The following ZNFX1 variants were observed in gnomAD, a reference collection of about 807,000 sequenced individuals.
ZNFX1 encodes the protein NFX1-type zinc finger-containing protein 1.
A neutral mutation model predicts 179.8 loss-of-function variants in ZNFX1; 78 were observed. The observed-to-expected ratio is 0.43, with a 90% CI of 0.36 to 0.52. ZNFX1 has a LOEUF of 0.52. Ranked by LOEUF, ZNFX1 falls within the 20% of genes least tolerant of loss-of-function variation. ZNFX1 has a pLI of 0.00. For synonymous variants in ZNFX1, 848 were observed against 868.5 expected (o/e 0.98, Z 0.42); for missense variants, 1,927 against 2,386.6 (o/e 0.81, Z 4.01).
At chr20:49,267,495 T>TA (rs1555883662) in intron 3 of ZNFX1, among the ~76,000 whole-genome samples, 5 of 151,768 alleles carry the variant, frequency 3.3e-5, no homozygotes, top group East Asian at 1.9e-4. Context: ...TTTTTTTTTT[T>TA]AAATCATGAG....
intron 3 of ZNFX1, among the ~76,000 whole-genome samples, chr20:49,267,137 C>T (rs1286613101): frequency 6.6e-6 from 1 of 152,142 alleles, no homozygotes; most frequent in Admixed American, 6.5e-5. Flanking sequence ...CCCTTGTGAT[C>T]TGTCCGCCTT....
rs753247167 is a variant in ZNFX1, at chr20:49,270,930, G to A, written c.882C>T (p.Asn294=). Residue 294 remains asparagine (N), a synonymous_variant, in exon 3 of 14, where the codon AAC becomes AAT. Transcript: ENST00000396105. The surrounding 1 kb of genome is among the most constrained non-coding windows in gnomAD (Gnocchi z 4.6). ...CAATGATAGTCTGTACCTTTTCCAG[G>A]TTCTTCTCCGTTTCCTCTTCTATGT... The part of the protein sequence containing the change: ...GVDIEEETEK[N]LEKVQTIIEH... 2.5e-6 allele frequency: 4 copies of A among 1,614,086 alleles called. No homozygotes were observed. The Admixed American group carries it at 6.7e-5, about 27-fold the overall frequency.
chr20:49,267,708 C>T lies in ZNFX1; in HGVS notation c.1871-1442G>A, dbSNP rs555723585. Among the ~76,000 whole-genome samples the T allele has an allele frequency of 1.9e-4, 29 of 152,204 alleles. No homozygotes were observed. In the East Asian group the frequency reaches 2.5e-3, roughly 13 times the overall value. On this transcript the variant is annotated intron_variant, in intron 3 of 13. Transcript: ENST00000396105. ...AAAGGTATGGGAAGGTATAGTTCCA[C>T]GACAAGTACAATGTGGCAGATAGGA...
At position 49,246,171 on chromosome 20, in the gene ZNFX1, C is replaced by T. The variant is rs377350435; in HGVS notation, c.*1096G>A. 6.6e-6 allele frequency: 1 copy of T among 152,236 alleles called. No individual in the cohort carries two copies. Among genetic ancestry groups the T allele is most frequent in the Non-Finnish European group, 1.5e-5 (1 of 68,074 alleles). The allele number at this position is 152,236 out of a possible 1,614,324, so 9.4% of individuals were successfully genotyped here. ...GGGAGTGTTGGGATGAAGGATCACA[C>T]TTGGGATAGGTGCTGCTGGTACCAA... On this transcript the variant is annotated 3_prime_UTR_variant, in exon 14 of 14. Transcript: ENST00000396105.
At position 49,270,135 on chromosome 20, in the gene ZNFX1, G is replaced by A. The variant is rs774437371; in HGVS notation, c.1677C>T (p.Pro559=). 6.2e-7 allele frequency: 1 copy of A among 1,614,190 alleles called. No individual in the cohort carries two copies. The highest frequency in any genetic ancestry group is 1.1e-5 in the South Asian group (1 of 91,086). Residue 559 remains proline (P), a synonymous_variant, in exon 3 of 14, where the codon CCC becomes CCT. Coordinates refer to ENST00000396105, the MANE Select transcript of ZNFX1 (RefSeq NM_021035.3). The surrounding 1 kb of genome is among the most constrained non-coding windows in gnomAD (Gnocchi z 4.6). ...CAGTGGCTGAAGGATTCTCTATTAA[G>A]GGGGTAAAGTCGTATCTGCCCCCCA... The part of the protein sequence containing the change: ...LLMGGRYDFT[P]LIENPSATGE...
In ZNFX1 at chr20:49,247,631, G is replaced by A. The variant is rs1980712494; in HGVS notation, c.5393C>T (p.Thr1798Ile). Reference protein sequence around the residue: ...VYSVQNILEKTCKFTQEDEQL... With the variant: ...VYSVQNILEKICKFTQEDEQL... ...TTCATCCTCTTGGGTGAACTTACAT[G>A]TTTTCTCAAGGATATTCTGGACACT... is the stretch of plus-strand genomic sequence containing the variant. The change falls in exon 14 of 14, where the codon ACA (threonine) becomes ATA (isoleucine). Residue 1798 changes from threonine to isoleucine, a missense_variant. Thr to Ile is a moderately conservative substitution (Grantham distance 89). Transcript: ENST00000396105. 1 of 1,614,090 alleles carries A rather than the reference G, an allele frequency of 6.2e-7. No individual in the cohort carries two copies. The highest frequency in any genetic ancestry group is 1.7e-5 in the Admixed American group (1 of 60,000).
At chr20:49,254,411 A>C (rs1021488892) in intron 10 of ZNFX1, 84 bp downstream of exon 10, 1 of 1,510,458 alleles carries the variant, frequency 6.6e-7, no homozygotes, top group East Asian at 2.3e-5. Flanking sequence ...CCTACCAAAG[A>C]AGCTCCTCTT....
chr20:49,265,365 C>T (rs1042691983), intron 4 of ZNFX1, among the ~76,000 whole-genome samples: 1 of 152,202 alleles, frequency 6.6e-6, no homozygotes, highest in African/African-American at 2.4e-5. Flanking sequence ...GAAACATAGG[C>T]CCAGTTTCTG....
chr20:49,270,724 T>A lies in ZNFX1; in HGVS notation c.1088A>T (p.Asp363Val). The A allele has an allele frequency of 6.2e-7, 1 of 1,614,148 alleles. No homozygotes were observed. The highest frequency in any genetic ancestry group is 8.5e-7 in the Non-Finnish European group (1 of 1,180,018). ...LRPNIISGKY[D>V]STAIYLDTHF... ...GGTATCCAGATAGATAGCAGTGCTG[T>A]CGTATTTTCCAGAAATGATATTGGG... is the stretch of plus-strand genomic sequence containing the variant. The change falls in exon 3 of 14, where the codon GAC becomes GTC. Residue 363 changes from aspartate to valine, a missense_variant. Transcript: ENST00000396105. This position sits in a 1 kb window ranked among gnomAD's most constrained non-coding sequence, Gnocchi z 4.6.
rs749091821 is a variant in ZNFX1 at position 49,249,467 on chromosome 20, T to C, written c.3557A>G (p.Lys1186Arg). 9 of 1,614,124 alleles carry C rather than the reference T, an allele frequency of 5.6e-6. No individual in the cohort carries two copies. The highest frequency in any genetic ancestry group is 1.7e-5 in the Admixed American group (1 of 60,014). ...FAGVRVHVVD[K>R]YQGEENDIIL... ...GATGTCATTCTCTTCCCCTTGGTATTTGTCCACAACATGGACCCTGACGCC... is the reference window on the plus strand; with the variant it reads ...GATGTCATTCTCTTCCCCTTGGTATCTGTCCACAACATGGACCCTGACGCC... Residue 1186 changes from lysine to arginine, a missense_variant, in exon 14 of 14, where the codon AAA becomes AGA. Coordinates refer to ENST00000396105, the MANE Select transcript of ZNFX1 (RefSeq NM_021035.3).
Position 49,249,730 on chromosome 20 carries a change from G to A in ZNFX1, c.3313-19C>T, listed in dbSNP as rs148124819. The stretch of plus-strand genomic sequence containing the variant: ...ACACCCCCTGACAGGGAAAAGAAGT[G>A]ACATGTTAAAAGGTTCACTCATGGC... On this transcript the variant is annotated intron_variant, in intron 13 of 13. Transcript: ENST00000396105. 278 of 1,596,202 alleles carry A rather than the reference G, an allele frequency of 1.7e-4. 2 individuals carry two copies. In the African/African-American group the frequency reaches 3.5e-3, roughly 20 times the overall value.
chr20:49,264,313 C>A (rs1981186507), intron 5 of ZNFX1, among the ~76,000 whole-genome samples: 1 of 152,172 alleles, frequency 6.6e-6, no homozygotes, highest in African/African-American at 2.4e-5. Context: ...AACAAACAGG[C>A]CAAGAATACT....
chr20:49,261,862 G>T (rs570233), intron 6 of ZNFX1, among the ~76,000 whole-genome samples: 2 of 150,918 alleles, frequency 1.3e-5, no homozygotes, highest in South Asian at 4.2e-4. Flanking sequence ...TAGCCAGGAT[G>T]GTCTCAATCT....
chr20:49,263,547 C>T (rs1981166114), intron 5 of ZNFX1, 64 bp from the exon 6 acceptor site: 16 of 1,534,616 alleles, frequency 1.0e-5, no homozygotes, highest in Non-Finnish European at 1.3e-5. Flanking sequence ...TCAGTCCTCA[C>T]CTTGAGGGAA....
chr20:49,273,656 G>A (rs1981481208), intron 2 of ZNFX1, among the ~76,000 whole-genome samples: 1 of 152,198 alleles, frequency 6.6e-6, no homozygotes, highest in South Asian at 2.1e-4. Context: ...ATGGCCAGGT[G>A]TGGTGGCTCA....
chr20:49,253,035 G>C (rs1980883270), intron 11 of ZNFX1, among the ~76,000 whole-genome samples: 1 of 152,182 alleles, frequency 6.6e-6, no homozygotes. Context: ...GTGCCCCATG[G>C]TGGGTTTTTT....
chr20:49,264,738 T>C lies in ZNFX1; in HGVS notation c.2129A>G (p.His710Arg), dbSNP rs1464116941. The change falls in exon 5 of 14, where the codon CAC (histidine) becomes CGC (arginine). Residue 710 changes from histidine (H) to arginine (R), a missense_variant. His to Arg is a conservative substitution (Grantham distance 29). Coordinates refer to ENST00000396105, the MANE Select transcript of ZNFX1 (RefSeq NM_021035.3). ...TACACTCATGTAGGCCCTTCGGAGG[T>C]GCATGGGGAGGTTGCGGCGGAATTC... ...KREFRRNLPM[H>R]LRRAYMSIMT... The C allele has an allele frequency of 3.7e-6, 6 of 1,613,886 alleles. No individual in the cohort carries two copies. The highest frequency in any genetic ancestry group is 5.1e-6 in the Non-Finnish European group (6 of 1,180,018).
intron 2 of ZNFX1, among the ~76,000 whole-genome samples, chr20:49,274,590 C>T (rs990636390): frequency 3.3e-5 from 5 of 151,908 alleles, no homozygotes; most frequent in Non-Finnish European, 5.9e-5. Flanking sequence ...GAAACCCTGT[C>T]TCTACTAAAA....
chr20:49,271,979 A>C (rs1981418880), intron 2 of ZNFX1, among the ~76,000 whole-genome samples: 1 of 152,176 alleles, frequency 6.6e-6, no homozygotes, highest in South Asian at 2.1e-4. Context: ...AAAAGGAATA[A>C]ACAGTTATTG....
Sources: allele counts gnomAD v4.1 joint callset (sites outside exome capture counted in the v4.1 genomes callset), GRCh38; gene constraint gnomAD v4.1.1; non-coding constraint Gnocchi (gnomAD v3.1); transcripts MANE v1.5; gene names NCBI Gene and HGNC (gene_info 2026-07-23, HGNC 2026-07-21).